Variants in PDE1C observed in about 807,000 individuals in gnomAD.
PDE1C encodes the protein dual specificity calcium/calmodulin-dependent 3',5'-cyclic nucleotide phosphodiesterase 1C.
PDE1C carries 62 observed loss-of-function variants against 93.1 expected under a neutral mutation model. The observed-to-expected ratio is 0.67, with a 90% CI of 0.54 to 0.82. The LOEUF is 0.82. Among genes scored for constraint, PDE1C ranks in the 40% least tolerant of loss-of-function variants. The pLI is 0.00. For missense variants in PDE1C, 742 were observed against 884.6 expected, an observed-to-expected ratio of 0.84 and a Z score of 2.04; for synonymous variants, 325 against 310.1, an observed-to-expected ratio of 1.05 and a Z score of -0.50.
chr7:32,303,525 C>G (rs1812925844), upstream of PDE1C, among the ~76,000 whole-genome samples: 1 of 152,154 alleles, frequency 6.6e-6, no homozygotes, highest in Admixed American at 6.5e-5. Flanking sequence ...CAGCTGTCAC[C>G]AGTACCCTCC....
intron 2 of PDE1C, among the ~76,000 whole-genome samples, chr7:32,199,572 C>T (rs944469294): frequency 6.6e-6 from 1 of 152,110 alleles, no homozygotes; most frequent in African/African-American, 2.4e-5. Flanking sequence ...AGTTGGTAAA[C>T]TGTGTTTGGG....
At chr7:31,690,908 T>C in the PDE1C span, among the ~76,000 whole-genome samples, 2 of 152,128 alleles carry the variant, frequency 1.3e-5, no homozygotes, top group Non-Finnish European at 2.9e-5. Context: ...ATTTTCAACA[T>C]AATATGTATG....
At chr7:31,803,666 C>A (rs4333475) in intron 16 of PDE1C, among the ~76,000 whole-genome samples, 3 of 151,770 alleles carry the variant, frequency 2.0e-5, no homozygotes, top group Non-Finnish European at 4.4e-5. Flanking sequence ...TTTGTCCTTG[C>A]GACAGTTTGC....
the PDE1C span, among the ~76,000 whole-genome samples, chr7:31,631,836 G>A: frequency 0.014 from 2,068 of 152,284 alleles, 55 homozygotes; most frequent in African/African-American, 0.047. Flanking sequence ...AAAATAATTA[G>A]CTTGTCTCAG....
chr7:31,975,990 C>T (rs1222004900), intron 2 of PDE1C, among the ~76,000 whole-genome samples: 1 of 152,172 alleles, frequency 6.6e-6, no homozygotes, highest in East Asian at 1.9e-4. Flanking sequence ...TTTCAAATCA[C>T]AATACTGATG....
chr7:32,147,983 C>CCAAAAAAAAAAAAAAAA (rs1801000705), intron 3 of PDE1C, among the ~76,000 whole-genome samples: 1 of 10,158 alleles, frequency 9.8e-5, no homozygotes, highest in East Asian at 0.025. Flanking sequence ...CCCATTTATG[C>CCAAAAAAAAAAAAAAAA]TAAAAAAAAA....
intron 3 of PDE1C, among the ~76,000 whole-genome samples, chr7:32,094,991 T>C (rs899349701): frequency 6.6e-6 from 1 of 152,154 alleles, no homozygotes; most frequent in Non-Finnish European, 1.5e-5. Flanking sequence ...CCTTGTGCCC[T>C]CTCCCAGCCC....
chr7:32,077,926 C>A, intron 3 of PDE1C: 1 of 985,438 alleles, frequency 1.0e-6, no homozygotes, highest in Non-Finnish European at 1.2e-6. Context: ...TTCCCTCCGG[C>A]TGGTCTGCTC....
At chr7:31,656,041 T>C in the PDE1C span, 1 of 982,126 alleles carries the variant, frequency 1.0e-6, no homozygotes, top group Non-Finnish European at 1.2e-6. Flanking sequence ...CACCAGTAAG[T>C]CCTAGGGCAG....
At chr7:31,626,158 G>A in the PDE1C span, among the ~76,000 whole-genome samples, 2 of 152,192 alleles carry the variant, frequency 1.3e-5, no homozygotes, top group African/African-American at 4.8e-5. Context: ...CTAAAAATCT[G>A]TGACTATGTG....
intron 6 of PDE1C, among the ~76,000 whole-genome samples, chr7:31,868,819 C>G (rs554666427): frequency 6.6e-6 from 1 of 151,828 alleles, no homozygotes; most frequent in East Asian, 1.9e-4. Flanking sequence ...TATAAGGAAA[C>G]CTTCATCAGA....
intron 4 of PDE1C, among the ~76,000 whole-genome samples, chr7:31,878,413 T>C (rs1415348563): frequency 6.6e-6 from 1 of 152,202 alleles, no homozygotes; most frequent in Non-Finnish European, 1.5e-5. Flanking sequence ...GAATAGCTTG[T>C]TCTTTAGAAC....
intron 7 of PDE1C, among the ~76,000 whole-genome samples, chr7:31,863,115 CATG>C (rs1158865617): frequency 2.0e-5 from 3 of 152,120 alleles, no homozygotes; most frequent in Non-Finnish European, 4.4e-5. Flanking sequence ...ACATTAAAAA[CATG>C]ATGCCTTTTC....
chr7:32,420,136 CACACACACACACACACACACACAT>C (rs1785373723), intron 1 of PDE1C, among the ~76,000 whole-genome samples: 2 of 26,324 alleles, frequency 7.6e-5, no homozygotes, highest in African/African-American at 2.0e-4. Context: ...CACACACACA[CACACACACACACACACACACACAT>C]ATATATGTGT....
intron 1 of PDE1C, among the ~76,000 whole-genome samples, chr7:32,064,657 A>G (rs775837285): frequency 4.6e-5 from 7 of 151,936 alleles, no homozygotes; most frequent in Non-Finnish European, 8.8e-5. Flanking sequence ...AGGATAAAAC[A>G]CAAACTTCTA....
chr7:32,148,686 T>C (rs567062276), intron 3 of PDE1C, among the ~76,000 whole-genome samples: 6 of 152,324 alleles, frequency 3.9e-5, no homozygotes, highest in Non-Finnish European at 8.8e-5. Flanking sequence ...ACTAATAGAC[T>C]GTAAACTCCT....
chr7:32,386,714 G>C (rs961671550), intron 1 of PDE1C, among the ~76,000 whole-genome samples: 3 of 147,042 alleles, frequency 2.0e-5, no homozygotes, highest in African/African-American at 7.6e-5. Flanking sequence ...GGTCTCAAGT[G>C]ATCTTCTCGC....
chr7:32,216,825 CTT>C (rs1806468325), intron 1 of PDE1C, among the ~76,000 whole-genome samples: 1 of 152,166 alleles, frequency 6.6e-6, no homozygotes, highest in Admixed American at 6.5e-5. Flanking sequence ...ACCTTTGTCT[CTT>C]TGCCTTCCAA....
chr7:32,117,188 G>A (rs917115842), intron 3 of PDE1C, among the ~76,000 whole-genome samples: 1 of 152,124 alleles, frequency 6.6e-6, no homozygotes, highest in Non-Finnish European at 1.5e-5. Context: ...CCTCTGTAGA[G>A]GTTTTGTTTT....
Sources: gnomAD v4.1 joint callset for allele counts (sites outside exome capture counted in the v4.1 genomes callset) on GRCh38, gnomAD v4.1.1 for gene constraint, MANE v1.5 for transcripts, NCBI Gene and HGNC (gene_info 2026-07-23, HGNC 2026-07-21) for gene names.